Variants in SYNGR4 observed in about 807,000 individuals in gnomAD.
SYNGR4 encodes synaptogyrin-4.
Under a neutral mutation model 15.5 loss-of-function variants are expected in SYNGR4, and 15 were observed. The observed-to-expected ratio is 0.97, with a 90% confidence interval of 0.65 to 1.49. The LOEUF is 1.49. Ranked by LOEUF, SYNGR4 falls within the 40% of genes most tolerant of loss-of-function variation. SYNGR4 has a pLI of 0.00. For synonymous variants in SYNGR4, 121 were observed against 127.4 expected (o/e 0.95, Z 0.34); for missense variants, 292 against 299.3 (o/e 0.98, Z 0.18).
At chr19:48,365,620 A>C in intron 1 of SYNGR4, 116 bp from the exon 2 acceptor site, 14 of 517,910 alleles carry the variant, frequency 2.7e-5, no homozygotes, top group Admixed American at 6.5e-5. Flanking sequence ...CACCCCACAC[A>C]ACTCCATTCC....
chr19:48,366,414 A>C (rs1455536631), intron 2 of SYNGR4, among the ~76,000 whole-genome samples: 1 of 151,732 alleles, frequency 6.6e-6, no homozygotes, highest in African/African-American at 2.4e-5. Context: ...GAAAAAAGAA[A>C]AGAAAGAAAC....
intron 3 of SYNGR4, 58 bp downstream of exon 3, chr19:48,373,812 G>A: frequency 1.9e-6 from 3 of 1,552,720 alleles, no homozygotes; most frequent in Non-Finnish European, 2.7e-6. Context: ...CAGCCCTCCT[G>A]GCTCCCCAGG....
In SYNGR4 at chr19:48,365,923, G is replaced by T; in HGVS notation, c.81G>T (p.Arg27=). ...QFLRRPKTIT[R]VFEGVFSLIV... The stretch of plus-strand genomic sequence containing the variant: ...TGAGAAGGCCCAAGACCATCACGCG[G>T]GTCTTCGAAGGGGTGAGGCCCTCCC... The change falls in exon 2 of 5, where the codon CGG becomes CGT. Residue 27 remains arginine, a synonymous_variant. Coordinates refer to ENST00000344846, the MANE Select transcript of SYNGR4 (RefSeq NM_012451.4). 1 of 1,613,604 alleles carries T rather than the reference G, an allele frequency of 6.2e-7. No individual in the cohort carries two copies. The highest frequency in any genetic ancestry group is 8.5e-7 in the Non-Finnish European group (1 of 1,179,942).
In SYNGR4 at chr19:48,373,538, T is replaced by G. The variant is rs767768929; in HGVS notation, c.115T>G (p.Ser39Ala). 1.9e-6 allele frequency: 3 copies of G among 1,613,402 alleles called. No individual in the cohort carries two copies. Among genetic ancestry groups the G allele is most frequent in the African/African-American group, 2.7e-5 (2 of 74,846 alleles). The change falls in exon 3 of 5, where the codon TCC becomes GCC. Residue 39 changes from serine (S) to alanine (A), a missense_variant. Ser to Ala is a moderately conservative substitution (Grantham distance 99, BLOSUM62 1). Coordinates refer to ENST00000344846, the MANE Select transcript of SYNGR4 (RefSeq NM_012451.4). ...FEGVFSLIVFSSLLTDGYQNK... is the reference protein window; with the variant it reads ...FEGVFSLIVFASLLTDGYQNK... Reference sequence around the variant, plus strand: ...ACAGGTCTTCTCCCTGATCGTCTTCTCCTCCCTGCTGACCGACGGCTACCA... The same window carrying G: ...ACAGGTCTTCTCCCTGATCGTCTTCGCCTCCCTGCTGACCGACGGCTACCA...
At chr19:48,365,347 T>G (rs189673846) in intron 1 of SYNGR4, among the ~76,000 whole-genome samples, 56 of 96,846 alleles carry the variant, frequency 5.8e-4, no homozygotes, top group African/African-American at 2.4e-3. Context: ...ACAACACCTT[T>G]CCTGGGACCC....
chr19:48,376,212 AC>A lies in SYNGR4; in HGVS notation c.600del (p.Asn200LysfsTer10), dbSNP rs1013093639. The A allele has an allele frequency of 2.5e-6, 4 of 1,614,050 alleles. No homozygotes were observed. Among genetic ancestry groups the A allele is most frequent in the Non-Finnish European group, 2.5e-6 (3 of 1,180,004 alleles). ...LPLPSANSPV[N>X]MPTTGPNSLS... ...TTGCCCTCTGCCAACAGCCCTGTGA[AC>A]ATGCCCACCACTGGCCCCAACAGCC... On this transcript the variant is annotated frameshift_variant, in exon 5 of 5. Coordinates refer to ENST00000344846, the MANE Select transcript of SYNGR4 (RefSeq NM_012451.4). LOFTEE classifies it low-confidence loss of function (END_TRUNC).
rs146219706 is a variant in SYNGR4, at chr19:48,366,468, G to A, written c.93+533G>A. 3.6e-3 allele frequency among the ~76,000 whole-genome samples: 546 copies of A among 151,696 alleles called. 4 individuals are homozygous for A. Among genetic ancestry groups the A allele is most frequent in the African/African-American group, 0.012 (515 of 41,434 alleles). On this transcript the variant is annotated intron_variant, in intron 2 of 4. Coordinates refer to ENST00000344846, the MANE Select transcript of SYNGR4 (RefSeq NM_012451.4). ...AGGCTGGAGTGCAAAAAGCAGTGGC[G>A]TGATCTCCGCTCACTGGAACTCCAC... is the stretch of plus-strand genomic sequence containing the variant.
intron 3 of SYNGR4, among the ~76,000 whole-genome samples, chr19:48,375,376 G>A (rs1009286499): frequency 6.6e-6 from 1 of 152,068 alleles, no homozygotes; most frequent in Admixed American, 6.5e-5. Context: ...TGAGGCCGGC[G>A]GCTCCTGTAT....
intron 1 of SYNGR4, 98 bp from the exon 2 acceptor site, chr19:48,365,638 C>G (rs1401106704): frequency 6.4e-6 from 2 of 313,986 alleles, no homozygotes; most frequent in Non-Finnish European, 1.2e-5. Context: ...TCCGGGGACC[C>G]CCCCCATCCC....
intron 2 of SYNGR4, among the ~76,000 whole-genome samples, chr19:48,366,379 G>C (rs1377102815): frequency 6.8e-6 from 1 of 146,560 alleles, no homozygotes; most frequent in Non-Finnish European, 1.5e-5. Context: ...AACAGAGCCA[G>C]ACTCCATCTC....
intron 2 of SYNGR4, among the ~76,000 whole-genome samples, chr19:48,370,602 C>T (rs1230265248): frequency 1.3e-5 from 2 of 152,178 alleles, no homozygotes; most frequent in East Asian, 3.9e-4. Context: ...CTCTGTTGCC[C>T]AGGCTGGAGT....
intron 3 of SYNGR4, among the ~76,000 whole-genome samples, chr19:48,374,342 G>A (rs1970366587): frequency 6.6e-6 from 1 of 152,150 alleles, no homozygotes; most frequent in Non-Finnish European, 1.5e-5. Context: ...GCCTCCCAAA[G>A]TGCTGGGATT....
chr19:48,372,283 G>A (rs1970319839), intron 2 of SYNGR4, among the ~76,000 whole-genome samples: 1 of 152,130 alleles, frequency 6.6e-6, no homozygotes, highest in African/African-American at 2.4e-5. Context: ...GTGTCCTAGG[G>A]TGGCTGTAAG....
chr19:48,365,811 C>T lies in SYNGR4; in HGVS notation c.-32C>T. 1 of 1,611,816 alleles carries T rather than the reference C, an allele frequency of 6.2e-7. No individual in the cohort carries two copies. The highest frequency in any genetic ancestry group is 8.5e-7 in the Non-Finnish European group (1 of 1,179,066). ...GCAGCGCCCAGCACCCTGGCTCCCACCTCCCAGTGGCCCCAAAGGAAAACA... is the reference window on the plus strand; with the variant it reads ...GCAGCGCCCAGCACCCTGGCTCCCATCTCCCAGTGGCCCCAAAGGAAAACA... On this transcript the variant is annotated 5_prime_UTR_variant, in exon 2 of 5. Transcript: ENST00000344846.
Position 48,373,616 on chromosome 19 carries a change from G to T in SYNGR4, c.193G>T (p.Ala65Ser), listed in dbSNP as rs1380903242. The T allele has an allele frequency of 5.0e-6, 8 of 1,613,844 alleles. No homozygotes were observed. Among genetic ancestry groups the T allele is most frequent in the Non-Finnish European group, 6.8e-6 (8 of 1,180,024 alleles). The change falls in exon 3 of 5, where the codon GCC (alanine) becomes TCC (serine). Residue 65 changes from alanine (A) to serine (S), a missense_variant. By Grantham distance (99) the Ala-to-Ser change is moderately conservative. Transcript: ENST00000344846. ...LHCILNSNSV[A>S]CSFAVGAGFL... Reference sequence around the variant, plus strand: ...CTGCATTCTCAACAGCAACAGCGTGGCCTGCAGCTTTGCCGTGGGAGCCGG... The same window carrying T: ...CTGCATTCTCAACAGCAACAGCGTGTCCTGCAGCTTTGCCGTGGGAGCCGG...
rs114043102 is a variant in SYNGR4, at chr19:48,368,504, G to A, written c.93+2569G>A. Among the ~76,000 whole-genome samples the A allele has an allele frequency of 3.4e-3, 521 of 151,962 alleles. 2 individuals are homozygous for A. Among genetic ancestry groups the A allele is most frequent in the African/African-American group, 0.012 (495 of 41,426 alleles). Reference sequence around the variant, plus strand: ...GGGTTCAAGCAATTCTTGTGCCTCCGGAGTAGCTGGGATTACCAGCGTGCA... The same window carrying A: ...GGGTTCAAGCAATTCTTGTGCCTCCAGAGTAGCTGGGATTACCAGCGTGCA... On this transcript the variant is annotated intron_variant, in intron 2 of 4. Coordinates refer to ENST00000344846, the MANE Select transcript of SYNGR4 (RefSeq NM_012451.4).
Position 48,375,573 on chromosome 19 carries a change from G to A in SYNGR4, c.332-40G>A, listed in dbSNP as rs1451107827. The A allele has an allele frequency of 2.5e-6, 4 of 1,588,924 alleles. No individual in the cohort carries two copies. In the Admixed American group the frequency reaches 5.1e-5, roughly 20 times the overall value. ...TGCCTCAGCAGCCCTGCCTGAGTGA[G>A]CTTTCCCCCTGCCCCTTTTCTCTCC... On this transcript the variant is annotated intron_variant, in intron 3 of 4. Coordinates refer to ENST00000344846, the MANE Select transcript of SYNGR4 (RefSeq NM_012451.4).
rs188339106 is a variant in SYNGR4, at chr19:48,368,882, C to A, written c.93+2947C>A. ...CACAGGCATTATGATCCCTGTTTAA[C>A]CCAAGGGGAAACTGAGGCTCACAGA... is the stretch of plus-strand genomic sequence containing the variant. On this transcript the variant is annotated intron_variant, in intron 2 of 4. Transcript: ENST00000344846. 3.0e-3 allele frequency among the ~76,000 whole-genome samples: 461 copies of A among 152,316 alleles called. 4 individuals are homozygous for A. Among genetic ancestry groups the A allele is most frequent in the African/African-American group, 0.01 (434 of 41,556 alleles).
At chr19:48,368,260 T>C (rs1970249995) in intron 2 of SYNGR4, among the ~76,000 whole-genome samples, 1 of 152,208 alleles carries the variant, frequency 6.6e-6, no homozygotes, top group African/African-American at 2.4e-5. Flanking sequence ...CTCTCGTCTG[T>C]AAAAAGAGGA....
Sources: allele counts gnomAD v4.1 joint callset (sites outside exome capture counted in the v4.1 genomes callset), GRCh38; gene constraint gnomAD v4.1.1; transcripts MANE v1.5; gene names NCBI Gene and HGNC (gene_info 2026-07-23, HGNC 2026-07-21).